Variants in KPNA6 observed in about 807,000 individuals in gnomAD.
KPNA6 encodes importin subunit alpha-7.
A neutral mutation model predicts 72.0 loss-of-function variants in KPNA6; 9 were observed. The observed-to-expected ratio is 0.13, with a 90% confidence interval of 0.08 to 0.22. KPNA6 has a LOEUF of 0.22. Ranked by LOEUF, KPNA6 falls within the 10% of genes least tolerant of loss-of-function variation. KPNA6 has a pLI of 1.00. For missense variants in KPNA6, 374 were observed against 655.7 expected, an observed-to-expected ratio of 0.57 and a Z score of 4.69; for synonymous variants, 219 against 242.1, an observed-to-expected ratio of 0.90 and a Z score of 0.89.
At chr1:32,113,444 A>G (rs374206095) in intron 1 of KPNA6, among the ~76,000 whole-genome samples, 5 of 151,972 alleles carry the variant, frequency 3.3e-5, no homozygotes, top group Non-Finnish European at 2.9e-5. Context: ...GTATGTATGT[A>G]TGTATATATG....
chr1:32,143,122 G>A (rs1047250686), intron 1 of KPNA6: 2 of 644,070 alleles, frequency 3.1e-6, no homozygotes, highest in Non-Finnish European at 5.0e-6. Context: ...GAGTGCAGAG[G>A]TGCAGACACA....
chr1:32,142,207 G>A (rs1336068026), intron 1 of KPNA6, among the ~76,000 whole-genome samples: 3 of 136,400 alleles, frequency 2.2e-5, no homozygotes, highest in Admixed American at 1.7e-4. Flanking sequence ...AGGGAGCTGA[G>A]ATTGTGTCCC....
At chr1:32,155,083 C>T (rs1181433765) in intron 2 of KPNA6, among the ~76,000 whole-genome samples, 1 of 142,850 alleles carries the variant, frequency 7.0e-6, no homozygotes, top group South Asian at 2.2e-4. Flanking sequence ...GCACTCCAGC[C>T]TGGGCAACAA....
At chr1:32,139,435 C>A (rs1641800199) in intron 1 of KPNA6, among the ~76,000 whole-genome samples, 1 of 152,134 alleles carries the variant, frequency 6.6e-6, no homozygotes, top group Non-Finnish European at 1.5e-5. Context: ...TATATATATT[C>A]TTGGCCAACA....
chr1:32,167,664 G>GT (rs1413089634), intron 12 of KPNA6, among the ~76,000 whole-genome samples: 1 of 152,026 alleles, frequency 6.6e-6, no homozygotes, highest in East Asian at 1.9e-4. Flanking sequence ...ACTCAAAACA[G>GT]TTTCTTCAGC....
chr1:32,161,887 T>A, intron 7 of KPNA6, 60 bp from the exon 8 acceptor site: 2 of 1,289,762 alleles, frequency 1.6e-6, no homozygotes, highest in Non-Finnish European at 2.2e-6. Context: ...CTGGGTTCAT[T>A]GGCAACAGTC....
At chr1:32,158,986 C>T (rs749989601) in intron 5 of KPNA6, among the ~76,000 whole-genome samples, 5 of 152,142 alleles carry the variant, frequency 3.3e-5, no homozygotes, top group African/African-American at 4.8e-5. Flanking sequence ...TGGGTCAATC[C>T]ATTGGAACTT....
intron 12 of KPNA6, among the ~76,000 whole-genome samples, chr1:32,169,645 A>G (rs1287818362): frequency 7.1e-6 from 1 of 139,928 alleles, no homozygotes; most frequent in Non-Finnish European, 1.5e-5. Flanking sequence ...TTTTTTTAGT[A>G]GAGACGGGGT....
At chr1:32,149,913 T>G (rs1211046550) in intron 1 of KPNA6, among the ~76,000 whole-genome samples, 1 of 152,162 alleles carries the variant, frequency 6.6e-6, no homozygotes, top group East Asian at 1.9e-4. Context: ...AAAAATGTTT[T>G]GTTGTTTTCT....
chr1:32,154,138 C>A (rs1003841492), intron 1 of KPNA6, among the ~76,000 whole-genome samples: 2 of 151,716 alleles, frequency 1.3e-5, no homozygotes, highest in African/African-American at 2.4e-5. Flanking sequence ...CAGAGTGAGA[C>A]CCTGTCTCAA....
At chr1:32,144,739 C>T (rs1641901066) in intron 1 of KPNA6, among the ~76,000 whole-genome samples, 2 of 152,066 alleles carry the variant, frequency 1.3e-5, no homozygotes, top group Non-Finnish European at 1.5e-5. Context: ...TAACCTCCAC[C>T]TTCCAGGTAC....
intron 1 of KPNA6, among the ~76,000 whole-genome samples, chr1:32,132,521 C>A (rs1641656077): frequency 6.6e-6 from 1 of 152,168 alleles, no homozygotes; most frequent in Non-Finnish European, 1.5e-5. Context: ...AACTCCTGGG[C>A]TCAAGTGATC....
intron 1 of KPNA6, among the ~76,000 whole-genome samples, chr1:32,144,734 T>G (rs1251860592): frequency 6.6e-6 from 1 of 151,886 alleles, no homozygotes; most frequent in East Asian, 1.9e-4. Context: ...CACTGTAACC[T>G]CCACCTTCCA....
rs993455809 is a variant in KPNA6, at chr1:32,171,229, T to G, written c.*335T>G. On this transcript the variant is annotated 3_prime_UTR_variant, in exon 14 of 14. Transcript: ENST00000373625. ...AAGGTAATCAATTTGCACCTTTTTT[T>G]ATTTTTATTTTTTTTCTTTTTTTCT... 8.8e-6 allele frequency: 2 copies of G among 228,342 alleles called. No individual in the cohort carries two copies. The highest frequency in any genetic ancestry group is 5.0e-5 in the Admixed American group (1 of 20,044). 14.1% of individuals were successfully genotyped at this position (228,342 alleles called of 1,614,324 possible).
At chr1:32,143,343 G>A (rs1641873259) in intron 1 of KPNA6, among the ~76,000 whole-genome samples, 1 of 152,014 alleles carries the variant, frequency 6.6e-6, no homozygotes. Context: ...TGGCAGTACA[G>A]GCCTGAGCCC....
chr1:32,161,592 T>G (rs956041882), intron 7 of KPNA6, among the ~76,000 whole-genome samples: 7 of 152,250 alleles, frequency 4.6e-5, no homozygotes, highest in Non-Finnish European at 1.5e-5. Flanking sequence ...CTTTTATTTC[T>G]TAGACTTTTA....
intron 12 of KPNA6, among the ~76,000 whole-genome samples, chr1:32,167,829 G>C (rs959993447): frequency 5.4e-5 from 8 of 148,020 alleles, no homozygotes; most frequent in Admixed American, 1.3e-4. Context: ...ACTCCAGCCT[G>C]AGTGACAGAG....
intron 13 of KPNA6, among the ~76,000 whole-genome samples, chr1:32,170,456 G>A (rs929797233): frequency 6.6e-6 from 1 of 152,158 alleles, no homozygotes; most frequent in African/African-American, 2.4e-5. Flanking sequence ...GATGTGCCCA[G>A]GTCATGCTTC....
At chr1:32,137,838 G>A (rs562636246) in intron 1 of KPNA6, among the ~76,000 whole-genome samples, 2 of 152,112 alleles carry the variant, frequency 1.3e-5, no homozygotes, top group African/African-American at 2.4e-5. Flanking sequence ...CATTAACTGC[G>A]AAATAGGGAA....
Sources: gnomAD v4.1 joint callset for allele counts (sites outside exome capture counted in the v4.1 genomes callset) on GRCh38, gnomAD v4.1.1 for gene constraint, MANE v1.5 for transcripts, NCBI Gene and HGNC (gene_info 2026-07-23, HGNC 2026-07-21) for gene names.